FAAH2: variants seen among roughly 807,000 people sequenced by gnomAD.
FAAH2 encodes fatty acid amide hydrolase 2.
A neutral mutation model predicts 36.9 loss-of-function variants in FAAH2; 60 were observed. The ratio of observed to expected loss-of-function variants is 1.63; its 90% CI spans 1.32 to 2.02. The LOEUF (loss-of-function observed/expected upper bound fraction) is 2.02. FAAH2 is among the 30% of genes most tolerant of loss of function. The pLI is 0.00. For missense variants in FAAH2, 689 were observed against 397.5 expected, an observed-to-expected ratio of 1.73 and a Z score of -6.23; for synonymous variants, 214 against 143.8, an observed-to-expected ratio of 1.49 and a Z score of -3.49.
chrX:57,154,957 C>T, the FAAH2 span, among the ~76,000 whole-genome samples: 4,545 of 110,633 alleles, frequency 0.041, 109 homozygotes, highest in Middle Eastern at 0.084. Context: ...TGGGTCTAGC[C>T]ACCCAGCAGA....
At chrX:57,183,058 T>C in the FAAH2 span, among the ~76,000 whole-genome samples, 3 of 110,611 alleles carry the variant, frequency 2.7e-5, no homozygotes, top group South Asian at 7.7e-4. Context: ...GAGGCCTACC[T>C]GAGGGCAGAA....
the FAAH2 span, among the ~76,000 whole-genome samples, chrX:57,185,497 T>C: frequency 4.4e-4 from 45 of 101,960 alleles, no homozygotes; most frequent in African/African-American, 1.2e-3. Context: ...TCTGTGTGTG[T>C]GTGTGTGTGT....
chrX:57,485,178 A>G (rs2057451434), intron 10 of FAAH2, among the ~76,000 whole-genome samples: 1 of 111,976 alleles, frequency 8.9e-6, no homozygotes, highest in South Asian at 3.7e-4. Context: ...CTTTCCTCCT[A>G]CAGATGCAGT....
At chrX:57,208,562 C>T in the FAAH2 span, among the ~76,000 whole-genome samples, 1 of 111,580 alleles carries the variant, frequency 9.0e-6, no homozygotes, top group African/African-American at 3.3e-5. Flanking sequence ...CCAGCTCAGT[C>T]GTGGAGACCC....
At chrX:57,398,258 C>G (rs1430832017) in intron 7 of FAAH2, among the ~76,000 whole-genome samples, 1 of 111,969 alleles carries the variant, frequency 8.9e-6, no homozygotes, top group East Asian at 2.8e-4. Flanking sequence ...CCCAAATGCC[C>G]ATCAATGGAG....
chrX:57,375,351 C>A (rs970652392), intron 5 of FAAH2, among the ~76,000 whole-genome samples: 3 of 81,581 alleles, frequency 3.7e-5, no homozygotes, highest in Admixed American at 2.8e-4. Flanking sequence ...TCTGGTACTG[C>A]ACTTTTTTTT....
the FAAH2 span, among the ~76,000 whole-genome samples, chrX:57,225,041 G>T: frequency 9.0e-6 from 1 of 111,388 alleles, no homozygotes; most frequent in Non-Finnish European, 1.9e-5. Flanking sequence ...TTATTTTCTT[G>T]GTTAATCTTG....
chrX:57,255,269 T>C, the FAAH2 span, among the ~76,000 whole-genome samples: 4 of 111,648 alleles, frequency 3.6e-5, no homozygotes, highest in Non-Finnish European at 7.5e-5. Context: ...GGTTCTGGCA[T>C]TGAGGCAATA....
chrX:57,411,026 T>C (rs1366980418), intron 7 of FAAH2, among the ~76,000 whole-genome samples: 8 of 112,011 alleles, frequency 7.1e-5, no homozygotes, highest in Middle Eastern at 4.2e-3. Flanking sequence ...TGGATTGTTG[T>C]CTTCACAGTT....
At chrX:57,328,011 G>A (rs1381015278) in intron 3 of FAAH2, among the ~76,000 whole-genome samples, 5 of 111,614 alleles carry the variant, frequency 4.5e-5, no homozygotes, top group Non-Finnish European at 9.4e-5. Context: ...GTACAGATGG[G>A]TTTTTGGTGT....
chrX:57,445,425 G>T (rs894107763), intron 8 of FAAH2, among the ~76,000 whole-genome samples: 7 of 111,597 alleles, frequency 6.3e-5, no homozygotes, highest in African/African-American at 2.3e-4. Context: ...ACTACAGCTG[G>T]CAGTGTGCTA....
At chrX:57,277,053 A>T in the FAAH2 span, among the ~76,000 whole-genome samples, 1 of 111,661 alleles carries the variant, frequency 9.0e-6, no homozygotes, top group Non-Finnish European at 1.9e-5. Flanking sequence ...GAAAAAGAGA[A>T]AATCCTCCCT....
chrX:57,378,896 C>T, intron 6 of FAAH2, 110 bp downstream of exon 6: 3 of 961,748 alleles, frequency 3.1e-6, no homozygotes, highest in Non-Finnish European at 4.2e-6. Context: ...ATAATTTTTA[C>T]AGGTTTTTAT....
rs909137171 is a variant in FAAH2 at position 57,330,984 on chromosome X, C to A, written c.413-614C>A. 4.5e-5 allele frequency among the ~76,000 whole-genome samples: 5 copies of A among 110,604 alleles called. No homozygotes were observed. In the Admixed American group the frequency reaches 4.8e-4, roughly 11 times the overall value. ...AGACTTGGGCCCTGGGAGAAGCCAG[C>A]AGAATGAGGGGTGCTCAGATTGGAC... is the stretch of plus-strand genomic sequence containing the variant. On this transcript the variant is annotated intron_variant, in intron 3 of 10. Coordinates refer to ENST00000374900, the MANE Select transcript of FAAH2 (RefSeq NM_174912.4).
chrX:57,210,086 A>T, the FAAH2 span, among the ~76,000 whole-genome samples: 2 of 108,658 alleles, frequency 1.8e-5, no homozygotes, highest in African/African-American at 3.4e-5. Context: ...TTCGTTCCTC[A>T]CCTCTTCAGT....
Position 57,331,626 on chromosome X carries a change from C to A in FAAH2, c.441C>A (p.Asn147Lys), listed in dbSNP as rs747447222. 1.7e-5 allele frequency: 21 copies of A among 1,209,288 alleles called. No homozygotes were observed. In the East Asian group the frequency reaches 2.7e-4, roughly 15 times the overall value. Reference sequence around the variant, plus strand: ...TGCCCAATTCTTCTGGACTCATGAACCGTCGTGATGCCATTGCCAAAACAG... The same window carrying A: ...TGCCCAATTCTTCTGGACTCATGAAACGTCGTGATGCCATTGCCAAAACAG... ...QGMPNSSGLM[N>K]RRDAIAKTDA... is the part of the protein sequence containing the mutation. Residue 147 changes from asparagine (N) to lysine (K), a missense_variant, in exon 4 of 11, where the codon AAC (asparagine) becomes AAA (lysine). Transcript: ENST00000374900.
chrX:57,273,408 G>A, the FAAH2 span, among the ~76,000 whole-genome samples: 5 of 111,460 alleles, frequency 4.5e-5, no homozygotes, highest in African/African-American at 1.3e-4. Flanking sequence ...GGAGCAAGCC[G>A]ACCTAATAGA....
chrX:57,434,593 T>A (rs1324922991), intron 8 of FAAH2, among the ~76,000 whole-genome samples: 1 of 109,540 alleles, frequency 9.1e-6, no homozygotes, highest in Non-Finnish European at 1.9e-5. Flanking sequence ...AGTAATCCAA[T>A]CAAACAAAAA....
chrX:57,184,884 G>A, the FAAH2 span, among the ~76,000 whole-genome samples: 2 of 111,779 alleles, frequency 1.8e-5, no homozygotes, highest in Non-Finnish European at 3.8e-5. Flanking sequence ...TTAGCAAAGT[G>A]CTGGAACATG....
Sources: gnomAD v4.1 joint callset for allele counts (sites outside exome capture counted in the v4.1 genomes callset) on GRCh38, gnomAD v4.1.1 for gene constraint, MANE v1.5 for transcripts, NCBI Gene and HGNC (gene_info 2026-07-23, HGNC 2026-07-21) for gene names.